BTBD7: variants seen among roughly 807,000 people sequenced by gnomAD.
BTBD7 encodes BTB domain containing 7.
BTBD7 carries 38 observed loss-of-function variants against 99.9 expected under a neutral mutation model. The ratio of observed to expected loss-of-function variants is 0.38; its 90% CI spans 0.29 to 0.50. BTBD7 has a LOEUF of 0.50. BTBD7 is among the 20% of genes least tolerant of loss of function. The pLI, the probability that BTBD7 is intolerant of heterozygous loss-of-function variation, is 0.93. For synonymous variants in BTBD7, 520 were observed against 511.4 expected (o/e 1.02, Z -0.23); for missense variants, 1,170 against 1,394.6 (o/e 0.84, Z 2.57).
At chr14:93,303,839 C>T (rs2053035075) in intron 1 of BTBD7, among the ~76,000 whole-genome samples, 1 of 152,174 alleles carries the variant, frequency 6.6e-6, no homozygotes, top group South Asian at 2.1e-4. Context: ...GCCTCCCCAC[C>T]CCCCACCAGA....
At chr14:93,267,980 TCATGCTA>T (rs1275564801) in intron 3 of BTBD7, among the ~76,000 whole-genome samples, 5 of 152,218 alleles carry the variant, frequency 3.3e-5, no homozygotes, top group Admixed American at 6.5e-5. Context: ...TTCAATAACT[TCATGCTA>T]CAAATGATTT....
At position 93,240,327 on chromosome 14, in the gene BTBD7, G is replaced by A. The variant is rs924233102; in HGVS notation, c.*1946C>T. 3.9e-5 allele frequency: 6 copies of A among 152,578 alleles called. No individual in the cohort carries two copies. The highest frequency in any genetic ancestry group is 2.1e-4 in the South Asian group (1 of 4,830). 9.5% of individuals were successfully genotyped at this position (152,578 alleles called of 1,614,324 possible). A position where few individuals can be genotyped will look rare whatever the true frequency, so the allele number is the denominator to read the frequency against. ...CCATCTTGGAGACTATCTACTGTTCGGCTTTTCTAAAATGTCAGATTATTC... is the reference window on the plus strand; with the variant it reads ...CCATCTTGGAGACTATCTACTGTTCAGCTTTTCTAAAATGTCAGATTATTC... On this transcript the variant is annotated 3_prime_UTR_variant, in exon 11 of 11. Coordinates refer to ENST00000334746, the MANE Select transcript of BTBD7 (RefSeq NM_001002860.4).
chr14:93,329,147 T>G (rs1490510111), intron 1 of BTBD7, among the ~76,000 whole-genome samples: 1 of 152,114 alleles, frequency 6.6e-6, no homozygotes, highest in African/African-American at 2.4e-5. Context: ...GGGATTGATA[T>G]TCAGCATACA....
At chr14:93,311,333 A>C (rs1288020244) in intron 1 of BTBD7, among the ~76,000 whole-genome samples, 2 of 152,096 alleles carry the variant, frequency 1.3e-5, no homozygotes, top group African/African-American at 2.4e-5. Flanking sequence ...TATTCCAGGC[A>C]TATCTTGTAT....
chr14:93,254,876 A>G (rs988428267), intron 6 of BTBD7, among the ~76,000 whole-genome samples: 1 of 152,238 alleles, frequency 6.6e-6, no homozygotes, highest in Non-Finnish European at 1.5e-5. Context: ...GCACGGAGTT[A>G]AGAGCAGAGG....
At chr14:93,267,231 G>A (rs1302564933) in intron 3 of BTBD7, among the ~76,000 whole-genome samples, 1 of 152,166 alleles carries the variant, frequency 6.6e-6, no homozygotes, top group East Asian at 1.9e-4. Context: ...AACTGCTGAG[G>A]TTTACAAAGC....
At position 93,242,403 on chromosome 14, in the gene BTBD7, C is replaced by T. The variant is rs1251966829; in HGVS notation, c.3269G>A (p.Arg1090Lys). The change falls in exon 11 of 11, where the codon AGA (arginine) becomes AAA (lysine). Residue 1090 changes from arginine to lysine, a missense_variant. Arg to Lys is a conservative substitution (Grantham distance 26). This residue lies in a region of BTBD7 where 495 missense variants were observed against 525.9 expected (regional missense o/e 0.94). Coordinates refer to ENST00000334746, the MANE Select transcript of BTBD7 (RefSeq NM_001002860.4). ...SEAPEERSGR[R>K]LADSESLGHG... ...GCCCAGGGACTCACTGTCTGCCAGT[C>T]TTCTACCGGATCTCTCTTCGGGAGC... 2.5e-6 allele frequency: 4 copies of T among 1,614,208 alleles called. No homozygotes were observed. The highest frequency in any genetic ancestry group is 1.7e-5 in the Admixed American group (1 of 60,032).
intron 1 of BTBD7, among the ~76,000 whole-genome samples, chr14:93,315,163 A>G (rs752901685): frequency 2.6e-5 from 4 of 152,198 alleles, no homozygotes; most frequent in African/African-American, 4.8e-5. Context: ...TATTTGAGAA[A>G]GTGCTTTCAA....
rs1367345031 is a variant in BTBD7 at position 93,321,093 on chromosome 14, A to G, written c.-107+11727T>C. Among the ~76,000 whole-genome samples, 3 of 152,206 alleles carry G rather than the reference A, an allele frequency of 2.0e-5. No individual in the cohort carries two copies. The East Asian group carries it at 5.8e-4, about 29-fold the overall frequency. On this transcript the variant is annotated intron_variant, in intron 1 of 10. Coordinates refer to ENST00000334746, the MANE Select transcript of BTBD7 (RefSeq NM_001002860.4). ...GTAACCATGATTAACTTGATCATAA[A>G]AATTTCACTTTGTATAATAAGTAGG...
At chr14:93,243,197 T>G in intron 10 of BTBD7, 109 bp from the exon 11 acceptor site, 1 of 1,107,278 alleles carries the variant, frequency 9.0e-7, no homozygotes, top group Non-Finnish European at 1.3e-6. Context: ...ACATTCTGTT[T>G]TTGTTTTTTT....
intron 1 of BTBD7, among the ~76,000 whole-genome samples, chr14:93,325,878 C>G (rs1032711249): frequency 6.6e-6 from 1 of 152,098 alleles, no homozygotes; most frequent in Non-Finnish European, 1.5e-5. Flanking sequence ...CTATTTCAAT[C>G]TTAACATAAT....
intron 1 of BTBD7, among the ~76,000 whole-genome samples, chr14:93,301,194 A>ATT: frequency 6.9e-6 from 1 of 144,332 alleles, no homozygotes. Flanking sequence ...GTCTTTCCAA[A>ATT]TTTTTTTTTT....
chr14:93,293,592 T>C (rs964626945), intron 3 of BTBD7, among the ~76,000 whole-genome samples: 28 of 152,324 alleles, frequency 1.8e-4, no homozygotes, highest in African/African-American at 6.5e-4. Flanking sequence ...TTCCCATACC[T>C]ATCGTCTTAC....
chr14:93,251,852 C>T (rs1486648359), intron 7 of BTBD7, among the ~76,000 whole-genome samples, 200 bp from the exon 8 acceptor site: 2 of 152,146 alleles, frequency 1.3e-5, no homozygotes, highest in African/African-American at 4.8e-5. Flanking sequence ...TGAAAAGACA[C>T]AACCATCTTT....
At chr14:93,259,031 C>T (rs756973223) in intron 5 of BTBD7, among the ~76,000 whole-genome samples, 3 of 152,186 alleles carry the variant, frequency 2.0e-5, no homozygotes, top group East Asian at 1.9e-4. Context: ...TATATACAAT[C>T]GGTTCTTATT....
rs1293445440 is a variant in BTBD7 at position 93,253,662 on chromosome 14, A to G, written c.1737T>C (p.Tyr579=). The G allele has an allele frequency of 5.6e-6, 9 of 1,609,888 alleles. No individual in the cohort carries two copies. Among genetic ancestry groups the G allele is most frequent in the Non-Finnish European group, 7.6e-6 (9 of 1,177,062 alleles). Residue 579 remains tyrosine (Y), a synonymous_variant, in exon 7 of 11, where the codon TAT becomes TAC. Coordinates refer to ENST00000334746, the MANE Select transcript of BTBD7 (RefSeq NM_001002860.4). The part of the protein sequence containing the change: ...IYVRPRLFSP[Y]VEEAKSVLDE... ...TTTTCATTACCTTTGCTTCTTCCACATAGGGAGAGAAGAGTCGAGGACGAA... is the reference window on the plus strand; with the variant it reads ...TTTTCATTACCTTTGCTTCTTCCACGTAGGGAGAGAAGAGTCGAGGACGAA...
Position 93,293,974 on chromosome 14 carries a change from C to A in BTBD7, c.1046G>T (p.Gly349Val), listed in dbSNP as rs1308204222. 1 of 1,613,632 alleles carries A rather than the reference C, an allele frequency of 6.2e-7. No individual in the cohort carries two copies. The highest frequency in any genetic ancestry group is 2.2e-5 in the East Asian group (1 of 44,888). Residue 349 changes from glycine (G) to valine (V), a missense_variant, in exon 3 of 11, where the codon GGG (glycine) becomes GTG (valine). This residue lies in a region of BTBD7 where 359 missense variants were observed against 497.9 expected (regional missense o/e 0.72). Transcript: ENST00000334746. ...GAGAGCCTGAACTTCACTGAGACTC[C>A]CCACAGAGGGGCTACAGTGCAAAAC... ...LSVLHCSPSV[G>V]SLSEVQALVA...
intron 3 of BTBD7, among the ~76,000 whole-genome samples, chr14:93,284,315 G>A (rs2052753919): frequency 1.3e-5 from 2 of 152,260 alleles, no homozygotes. Flanking sequence ...ATGGTAGAGA[G>A]TTATACCATT....
chr14:93,252,310 T>TAA (rs202045410), intron 7 of BTBD7, among the ~76,000 whole-genome samples: 1 of 137,100 alleles, frequency 7.3e-6, no homozygotes. Flanking sequence ...AACTCCGTCT[T>TAA]AAAAAAAAAA....
Sources: gnomAD v4.1 joint callset for allele counts (sites outside exome capture counted in the v4.1 genomes callset) on GRCh38, gnomAD v4.1.1 for gene constraint, gnomAD v4.1.1 regional missense constraint, MANE v1.5 for transcripts, NCBI Gene and HGNC (gene_info 2026-07-23, HGNC 2026-07-21) for gene names.